Variants in SLC4A4 observed in about 807,000 individuals in gnomAD.
SLC4A4 encodes electrogenic sodium bicarbonate cotransporter 1.
Under a neutral mutation model 111.5 loss-of-function variants are expected in SLC4A4, and 27 were observed. The ratio of observed to expected loss-of-function variants is 0.24; its 90% confidence interval spans 0.18 to 0.33. SLC4A4 has a LOEUF of 0.33. SLC4A4 is among the 10% of genes least tolerant of loss of function. SLC4A4 has a pLI of 1.00. For missense variants in SLC4A4, 909 were observed against 1,315.5 expected, an observed-to-expected ratio of 0.69 and a Z score of 4.78; for synonymous variants, 443 against 463.4, an observed-to-expected ratio of 0.96 and a Z score of 0.57.
At chr4:71,562,546 T>G (rs1176378179) in intron 23 of SLC4A4, among the ~76,000 whole-genome samples, 2 of 151,888 alleles carry the variant, frequency 1.3e-5, no homozygotes, top group Non-Finnish European at 2.9e-5. Flanking sequence ...GTTTAAAATT[T>G]GTTTTATCAG....
At chr4:71,412,431 G>T (rs1721441330) in intron 7 of SLC4A4, among the ~76,000 whole-genome samples, 2 of 152,272 alleles carry the variant, frequency 1.3e-5, no homozygotes, top group South Asian at 4.1e-4. Flanking sequence ...AGAGAGAATA[G>T]ATTTATTGTT....
rs138475552 is a variant in SLC4A4, at chr4:71,570,467, A to T, written c.*2716A>T. On this transcript the variant is annotated 3_prime_UTR_variant, in exon 26 of 26. Coordinates refer to ENST00000264485, the MANE Select transcript of SLC4A4 (RefSeq NM_001098484.3). ...CAAAACCTGAGGTTTACCTAGTGAC[A>T]CCAAATTATCGGTATTTTAACTGAA... 102 of 152,386 alleles carry T rather than the reference A, an allele frequency of 6.7e-4. No individual in the cohort carries two copies. The highest frequency in any genetic ancestry group is 2.4e-3 in the African/African-American group (99 of 41,518). The allele number at this position is 152,386 out of a possible 1,614,324, so 9.4% of individuals were successfully genotyped here.
chr4:71,077,682 C>A (rs1010208073), intron 1 of SLC4A4, among the ~76,000 whole-genome samples: 1 of 152,152 alleles, frequency 6.6e-6, no homozygotes, highest in Admixed American at 6.5e-5. Context: ...TGGCTACAGG[C>A]TATCTATGAT....
At chr4:71,070,801 C>A (rs1741640866) in intron 1 of SLC4A4, among the ~76,000 whole-genome samples, 1 of 152,160 alleles carries the variant, frequency 6.6e-6, no homozygotes, top group Non-Finnish European at 1.5e-5. Context: ...GCAATGGAAA[C>A]TGACTTTTAA....
intron 18 of SLC4A4, among the ~76,000 whole-genome samples, chr4:71,544,209 C>G (rs572224495): frequency 1.1e-4 from 17 of 152,030 alleles, no homozygotes; most frequent in African/African-American, 4.1e-4. Context: ...ACTTACTTAT[C>G]TCACCTAGGT....
At chr4:71,526,123 A>G (rs1196684193) in intron 16 of SLC4A4, among the ~76,000 whole-genome samples, 1 of 152,102 alleles carries the variant, frequency 6.6e-6, no homozygotes, top group Non-Finnish European at 1.5e-5. Context: ...AGAGTAAGAC[A>G]TGAATAGCCT....
chr4:71,190,071 A>C (rs73828765), intron 1 of SLC4A4, among the ~76,000 whole-genome samples: 2,155 of 152,318 alleles, frequency 0.014, 35 homozygotes, highest in African/African-American at 0.038. Context: ...GTCATTTAGC[A>C]AAATGGATAA....
intron 15 of SLC4A4, 111 bp downstream of exon 15, chr4:71,487,129 C>T (rs893362932): frequency 9.9e-5 from 66 of 669,232 alleles, no homozygotes; most frequent in South Asian, 4.5e-4. Context: ...CTGGCATGAA[C>T]ACATACGTAA....
chr4:71,379,449 C>T lies in SLC4A4; in HGVS notation c.731-18128C>T, dbSNP rs73828119. On this transcript the variant is annotated intron_variant, in intron 6 of 25. Coordinates refer to ENST00000264485, the MANE Select transcript of SLC4A4 (RefSeq NM_001098484.3). ...CCCTCTTGATGTGACTAAATTTAAC[C>T]TATCCCTAAAGCTCTTATGTCCCGC... Among the ~76,000 whole-genome samples, 1,213 of 152,216 alleles carry T rather than the reference C, an allele frequency of 8.0e-3. 16 individuals carry two copies. The highest frequency in any genetic ancestry group is 0.026 in the African/African-American group (1,073 of 41,526).
chr4:71,327,263 A>G (rs1029795517), intron 3 of SLC4A4, among the ~76,000 whole-genome samples: 1 of 152,076 alleles, frequency 6.6e-6, no homozygotes, highest in Admixed American at 6.6e-5. Flanking sequence ...ACTATTTCAT[A>G]TGCCACTGTG....
At chr4:71,257,554 G>A (rs1481400510) in intron 3 of SLC4A4, among the ~76,000 whole-genome samples, 1 of 152,082 alleles carries the variant, frequency 6.6e-6, no homozygotes, top group Admixed American at 6.6e-5. Flanking sequence ...CATGATTTTG[G>A]GGGAAGCCAT....
chr4:71,506,310 C>G (rs1731412940), intron 16 of SLC4A4, among the ~76,000 whole-genome samples: 1 of 152,126 alleles, frequency 6.6e-6, no homozygotes, highest in Non-Finnish European at 1.5e-5. Flanking sequence ...CATATTGATT[C>G]TTCCTATTCA....
chr4:71,521,668 C>T (rs1732945474), intron 16 of SLC4A4, among the ~76,000 whole-genome samples: 1 of 152,104 alleles, frequency 6.6e-6, no homozygotes, highest in Non-Finnish European at 1.5e-5. Flanking sequence ...TATATGGAAA[C>T]CACAGAAGAT....
chr4:71,141,385 C>A (rs561354907), intron 2 of SLC4A4, among the ~76,000 whole-genome samples: 1 of 152,188 alleles, frequency 6.6e-6, no homozygotes, highest in South Asian at 2.1e-4. Flanking sequence ...TTTTAAGGCT[C>A]ATTTTCCACT....
At chr4:71,519,074 GTCTTT>G (rs1732682882) in intron 16 of SLC4A4, among the ~76,000 whole-genome samples, 1 of 152,164 alleles carries the variant, frequency 6.6e-6, no homozygotes, top group African/African-American at 2.4e-5. Flanking sequence ...TCTTCAATGT[GTCTTT>G]TCTTATTTCT....
intron 3 of SLC4A4, among the ~76,000 whole-genome samples, chr4:71,323,799 T>C (rs1727300319): frequency 6.8e-6 from 1 of 147,474 alleles, no homozygotes; most frequent in South Asian, 2.1e-4. Flanking sequence ...TTTTCACTAC[T>C]GTGTTGTTTT....
At chr4:71,087,264 T>C (rs1292044604) in intron 1 of SLC4A4, among the ~76,000 whole-genome samples, 1 of 143,852 alleles carries the variant, frequency 7.0e-6, no homozygotes, top group Non-Finnish European at 1.5e-5. Context: ...CCCTTTATCA[T>C]TTTTTTTTGC....
chr4:71,120,648 T>A (rs7679826), intron 2 of SLC4A4, among the ~76,000 whole-genome samples: 116,646 of 152,176 alleles, frequency 0.77, 46,966 homozygotes, highest in Admixed American at 0.88. Context: ...TGGGAGGATC[T>A]CCTGAGGTCA....
chr4:71,361,705 A>G (rs1730807768), intron 6 of SLC4A4, among the ~76,000 whole-genome samples: 1 of 152,254 alleles, frequency 6.6e-6, no homozygotes, highest in Non-Finnish European at 1.5e-5. Flanking sequence ...ATTCTACCTA[A>G]TAATTTGGTC....
Sources: allele counts gnomAD v4.1 joint callset (sites outside exome capture counted in the v4.1 genomes callset), GRCh38; gene constraint gnomAD v4.1.1; transcripts MANE v1.5; gene names NCBI Gene and HGNC (gene_info 2026-07-23, HGNC 2026-07-21).